The following KCNB2 variants were observed in gnomAD, a reference collection of about 807,000 sequenced individuals.
The protein encoded by KCNB2 is delayed rectifier potassium channel protein.
In KCNB2, 15 loss-of-function variants were observed where a neutral mutation model predicts 61.5. The observed-to-expected ratio is 0.24, with a 90% CI of 0.16 to 0.38. The LOEUF (loss-of-function observed/expected upper bound fraction) is 0.38. KCNB2 is among the 10% of genes least tolerant of loss of function. The pLI, the probability that KCNB2 is intolerant of heterozygous loss-of-function variation, is 1.00. For synonymous variants in KCNB2, 457 were observed against 446.0 expected (o/e 1.02, Z -0.31); for missense variants, 828 against 1,125.2 (o/e 0.74, Z 3.78).
At chr8:72,593,281 A>G (rs1382764129) in intron 2 of KCNB2, among the ~76,000 whole-genome samples, 1 of 152,240 alleles carries the variant, frequency 6.6e-6, no homozygotes, top group Non-Finnish European at 1.5e-5. Context: ...AAAAAACTAT[A>G]AAAGACTTAT....
intron 2 of KCNB2, among the ~76,000 whole-genome samples, chr8:72,652,264 TC>T (rs1806223812): frequency 3.3e-5 from 5 of 152,256 alleles, no homozygotes; most frequent in African/African-American, 1.2e-4. Flanking sequence ...AATATACAAG[TC>T]CATAATGCTC....
At chr8:72,692,789 T>A (rs1425599398) in intron 2 of KCNB2, among the ~76,000 whole-genome samples, 1 of 148,964 alleles carries the variant, frequency 6.7e-6, no homozygotes, top group African/African-American at 2.4e-5. Flanking sequence ...TAATTATTTA[T>A]TTATTTATTA....
intron 2 of KCNB2, among the ~76,000 whole-genome samples, chr8:72,910,494 T>C (rs1437069285): frequency 2.6e-5 from 4 of 151,938 alleles, no homozygotes; most frequent in Non-Finnish European, 5.9e-5. Flanking sequence ...CAATAGAGAT[T>C]GAAAAGTAAC....
intron 2 of KCNB2, among the ~76,000 whole-genome samples, chr8:72,827,257 A>C (rs945450778): frequency 1.3e-5 from 2 of 152,134 alleles, no homozygotes; most frequent in African/African-American, 4.8e-5. Flanking sequence ...AGTAACTTGG[A>C]TGTATGCTAG....
chr8:72,926,733 T>C (rs890515097), intron 2 of KCNB2, among the ~76,000 whole-genome samples: 1 of 152,220 alleles, frequency 6.6e-6, no homozygotes, highest in Non-Finnish European at 1.5e-5. Context: ...TAGATCCTTC[T>C]ATCTCCATAG....
At chr8:72,628,109 A>G (rs1805820174) in intron 2 of KCNB2, among the ~76,000 whole-genome samples, 2 of 152,054 alleles carry the variant, frequency 1.3e-5, no homozygotes, top group Admixed American at 1.3e-4. Context: ...GTGTGTCACC[A>G]TGCCTGGCTA....
intron 2 of KCNB2, among the ~76,000 whole-genome samples, chr8:72,747,429 A>G (rs1381808792): frequency 6.6e-6 from 1 of 152,042 alleles, no homozygotes; most frequent in Non-Finnish European, 1.5e-5. Flanking sequence ...TTGCACATGA[A>G]AGGCAATCTC....
rs554588143 is a variant in KCNB2 at position 72,549,952 on chromosome 8, C to T, written c.-94+12067C>T. The stretch of plus-strand genomic sequence containing the variant: ...TCCTAAAAATGCATTTACCATTCCT[C>T]ATCACAGGAGTTTTCTCATTGGTCC... On this transcript the variant is annotated intron_variant, in intron 1 of 2. Coordinates refer to ENST00000523207, the MANE Select transcript of KCNB2 (RefSeq NM_004770.3). Among the ~76,000 whole-genome samples the T allele has an allele frequency of 1.7e-3, 256 of 152,336 alleles. 1 individual carries two copies. Among genetic ancestry groups the T allele is most frequent in the South Asian group, 2.7e-3 (13 of 4,826 alleles).
At chr8:72,657,620 T>C (rs552103151) in intron 2 of KCNB2, among the ~76,000 whole-genome samples, 1 of 152,286 alleles carries the variant, frequency 6.6e-6, no homozygotes, top group Non-Finnish European at 1.5e-5. Flanking sequence ...AATACAATTC[T>C]ATCCAGTTTC....
intron 2 of KCNB2, among the ~76,000 whole-genome samples, chr8:72,791,545 G>C (rs1585895509): frequency 6.6e-6 from 1 of 152,082 alleles, no homozygotes; most frequent in Admixed American, 6.6e-5. Flanking sequence ...GTGAGACTCT[G>C]TCTCAAAAAA....
At chr8:72,896,145 A>G (rs1715959151) in intron 2 of KCNB2, among the ~76,000 whole-genome samples, 1 of 152,168 alleles carries the variant, frequency 6.6e-6, no homozygotes. Flanking sequence ...AGCTCAGGAA[A>G]TCCTCTCAAG....
intron 2 of KCNB2, among the ~76,000 whole-genome samples, chr8:72,931,217 G>A (rs569544264): frequency 1.9e-3 from 293 of 152,286 alleles, no homozygotes; most frequent in African/African-American, 5.7e-3. Flanking sequence ...AGTATAGTTT[G>A]AAGTCAGGTA....
intron 2 of KCNB2, among the ~76,000 whole-genome samples, chr8:72,841,361 CTTTTTTTTTTCTTT>C (rs1809881222): frequency 4.5e-5 from 3 of 66,176 alleles, no homozygotes; most frequent in Non-Finnish European, 6.4e-5. Context: ...GTTTTCTTTT[CTTTTTTTTTTCTTT>C]TTTTTTTTTT....
rs187281975 is a variant in KCNB2 at position 72,653,320 on chromosome 8, G to A, written c.579+85007G>A. Among the ~76,000 whole-genome samples the A allele has an allele frequency of 3.9e-4, 60 of 152,210 alleles. 1 individual carries two copies. The South Asian group carries it at 7.7e-3, about 19-fold the overall frequency. ...TTCCCTGAATATTTTTCACCTGGCA[G>A]GACTGGCATTGTTCCTTTACTTTAT... is the stretch of plus-strand genomic sequence containing the variant. On this transcript the variant is annotated intron_variant, in intron 2 of 2. Transcript: ENST00000523207.
At chr8:72,606,649 A>C (rs1213779201) in intron 2 of KCNB2, among the ~76,000 whole-genome samples, 4 of 152,178 alleles carry the variant, frequency 2.6e-5, no homozygotes, top group Non-Finnish European at 5.9e-5. Context: ...CGTTTGGGCC[A>C]GCATGTGATT....
intron 2 of KCNB2, among the ~76,000 whole-genome samples, chr8:72,811,070 C>A (rs566424478): frequency 6.6e-6 from 1 of 151,258 alleles, no homozygotes; most frequent in East Asian, 1.9e-4. Flanking sequence ...TCGATCATTT[C>A]TTTTTTAGCT....
At chr8:72,805,330 A>G (rs1210068576) in intron 2 of KCNB2, among the ~76,000 whole-genome samples, 1 of 152,208 alleles carries the variant, frequency 6.6e-6, no homozygotes, top group Non-Finnish European at 1.5e-5. Flanking sequence ...CCCTTTGGCC[A>G]TGGTTCTAAT....
At chr8:72,626,844 G>C (rs146643659) in intron 2 of KCNB2, among the ~76,000 whole-genome samples, 69 of 152,296 alleles carry the variant, frequency 4.5e-4, no homozygotes, top group Non-Finnish European at 8.4e-4. Flanking sequence ...CCTGCAAAAG[G>C]TATTTGGGGG....
Position 72,860,845 on chromosome 8 carries a change from C to T in KCNB2, c.580-75090C>T, listed in dbSNP as rs79610354. 2.1e-3 allele frequency among the ~76,000 whole-genome samples: 324 copies of T among 152,262 alleles called. 2 individuals carry two copies. The highest frequency in any genetic ancestry group is 7.2e-3 in the African/African-American group (301 of 41,544). On this transcript the variant is annotated intron_variant, in intron 2 of 2. Coordinates refer to ENST00000523207, the MANE Select transcript of KCNB2 (RefSeq NM_004770.3). ...CTTCTTGAAGGATGAACCAAAAAGA[C>T]TTTTGAAGGAAAAGTTTCCAATTTA...
Sources: allele counts gnomAD v4.1 joint callset (sites outside exome capture counted in the v4.1 genomes callset), GRCh38; gene constraint gnomAD v4.1.1; transcripts MANE v1.5; gene names NCBI Gene and HGNC (gene_info 2026-07-23, HGNC 2026-07-21).